Variants in KCNIP4 observed in about 807,000 individuals in gnomAD.
KCNIP4 encodes Kv channel-interacting protein 4.
A neutral mutation model predicts 34.0 loss-of-function variants in KCNIP4; 12 were observed. The ratio of observed to expected loss-of-function variants is 0.35; its 90% CI spans 0.23 to 0.57. KCNIP4 has a LOEUF of 0.57. KCNIP4 is among the 20% of genes least tolerant of loss of function. The pLI, the probability that KCNIP4 is intolerant of heterozygous loss-of-function variation, is 0.83. For synonymous variants in KCNIP4, 124 were observed against 102.2 expected, an observed-to-expected ratio of 1.21 and a Z score of -1.29; for missense variants, 238 against 311.7, an observed-to-expected ratio of 0.76 and a Z score of 1.78.
At chr4:21,538,011 CAAAAAAAAAAAAAAAAAA>C (rs71191517) in intron 1 of KCNIP4, among the ~76,000 whole-genome samples, 1 of 51,268 alleles carries the variant, frequency 2.0e-5, no homozygotes, top group Non-Finnish European at 3.6e-5. Flanking sequence ...GATTCCGTCT[CAAAAAAAAAAAAAAAAAA>C]AAAAAAAAAA....
At chr4:21,447,175 A>T (rs1728099238) in intron 1 of KCNIP4, among the ~76,000 whole-genome samples, 1 of 152,138 alleles carries the variant, frequency 6.6e-6, no homozygotes, top group South Asian at 2.1e-4. Context: ...TTTATCTTTA[A>T]CAGAAAGGTA....
intron 1 of KCNIP4, among the ~76,000 whole-genome samples, chr4:21,049,527 T>A (rs1304045618): frequency 6.6e-6 from 1 of 152,210 alleles, no homozygotes; most frequent in Admixed American, 6.5e-5. Context: ...TTTTAAAAGA[T>A]GCCTATTTTT....
chr4:21,920,873 C>CTTTTTTTTTTTTTTTTTTTT (rs1728899285), intron 1 of KCNIP4, among the ~76,000 whole-genome samples: 4 of 151,742 alleles, frequency 2.6e-5, no homozygotes, highest in African/African-American at 7.3e-5. Flanking sequence ...TGTACATTTT[C>CTTTTTTTTTTTTTTTTTTTT]TTTGTTTGCT....
intron 1 of KCNIP4, among the ~76,000 whole-genome samples, chr4:21,891,999 T>C (rs1727124195): frequency 6.6e-6 from 1 of 152,006 alleles, no homozygotes; most frequent in African/African-American, 2.4e-5. Context: ...TCTGTCAACT[T>C]ACAGTTTAAA....
At chr4:21,358,136 A>T (rs897948183) in intron 1 of KCNIP4, among the ~76,000 whole-genome samples, 5 of 152,106 alleles carry the variant, frequency 3.3e-5, no homozygotes, top group Admixed American at 2.0e-4. Flanking sequence ...ACTTGGACAC[A>T]GGGAAGAGAA....
chr4:21,940,370 T>C (rs1485126106), intron 1 of KCNIP4, among the ~76,000 whole-genome samples: 6 of 152,324 alleles, frequency 3.9e-5, no homozygotes, highest in African/African-American at 1.4e-4. Context: ...ACAGCACTTA[T>C]ACCAACTGGA....
At chr4:21,182,437 CTTCCTTTCCTGTCTTTCTT>C (rs1239004321) in intron 1 of KCNIP4, among the ~76,000 whole-genome samples, 1 of 146,550 alleles carries the variant, frequency 6.8e-6, no homozygotes, top group Non-Finnish European at 1.5e-5. Context: ...TTTCCTTTCC[CTTCCTTTCCTGTCTTTCTT>C]TTCCTTTCCT....
At chr4:21,122,389 T>A (rs1199390892) in intron 1 of KCNIP4, among the ~76,000 whole-genome samples, 1 of 151,962 alleles carries the variant, frequency 6.6e-6, no homozygotes, top group Non-Finnish European at 1.5e-5. Flanking sequence ...TAAATTGTTC[T>A]TGTAGGAATC....
intron 3 of KCNIP4, among the ~76,000 whole-genome samples, chr4:20,803,470 C>CAAAAAAAAAAAAAAAA (rs551176038): frequency 2.3e-5 from 2 of 85,902 alleles, no homozygotes; most frequent in African/African-American, 5.2e-5. Context: ...TCATCTTTAC[C>CAAAAAAAAAAAAAAAA]AAAAAAAAAA....
chr4:21,381,086 C>T (rs1423543800), intron 1 of KCNIP4, among the ~76,000 whole-genome samples: 1 of 152,148 alleles, frequency 6.6e-6, no homozygotes. Context: ...AAGATTCTGG[C>T]AATGGGTTTA....
At chr4:21,679,050 T>A (rs914270498) in intron 1 of KCNIP4, among the ~76,000 whole-genome samples, 1 of 152,230 alleles carries the variant, frequency 6.6e-6, no homozygotes, top group Non-Finnish European at 1.5e-5. Context: ...AAGGTGGCCA[T>A]CTGCAAGCCA....
chr4:21,330,384 TAAAGAACACAGTGG>T (rs1715511468), intron 1 of KCNIP4, among the ~76,000 whole-genome samples: 1 of 152,178 alleles, frequency 6.6e-6, no homozygotes, highest in South Asian at 2.1e-4. Context: ...GCATTGACTG[TAAAGAACACAGTGG>T]AATCAAAGTT....
In KCNIP4 at chr4:20,889,511, G is replaced by A. The variant is rs565753693; in HGVS notation, c.62-6802C>T. On this transcript the variant is annotated intron_variant, in intron 1 of 8. Transcript: ENST00000382152. ...GTACTGACCTAAGATGCAACTGTATGAACTCTACTCTGGAGGGCGGGGAGG... is the reference window on the plus strand; with the variant it reads ...GTACTGACCTAAGATGCAACTGTATAAACTCTACTCTGGAGGGCGGGGAGG... 1.8e-3 allele frequency among the ~76,000 whole-genome samples: 268 copies of A among 152,160 alleles called. 1 individual carries two copies. The highest frequency in any genetic ancestry group is 2.7e-3 in the Non-Finnish European group (186 of 67,962).
At chr4:21,171,633 T>G (rs1387321469) in intron 1 of KCNIP4, among the ~76,000 whole-genome samples, 1 of 152,214 alleles carries the variant, frequency 6.6e-6, no homozygotes, top group Non-Finnish European at 1.5e-5. Flanking sequence ...AACATGGATT[T>G]GGGAACACCT....
intron 1 of KCNIP4, among the ~76,000 whole-genome samples, chr4:21,695,313 G>T (rs1023439507): frequency 5.9e-5 from 9 of 151,988 alleles, no homozygotes; most frequent in Non-Finnish European, 1.0e-4. Flanking sequence ...GAGCCGAAAA[G>T]AATTTTTACA....
At chr4:21,797,840 C>A (rs1159183395) in intron 1 of KCNIP4, among the ~76,000 whole-genome samples, 1 of 152,042 alleles carries the variant, frequency 6.6e-6, no homozygotes, top group Non-Finnish European at 1.5e-5. Context: ...AGGATAGCTG[C>A]CAAATTTACA....
At chr4:21,519,504 A>G (rs1318908270) in intron 1 of KCNIP4, among the ~76,000 whole-genome samples, 8 of 68,808 alleles carry the variant, frequency 1.2e-4, no homozygotes, top group Admixed American at 2.4e-4. Context: ...GTGTATGTGT[A>G]TGTGTATATA....
chr4:21,871,105 G>GT (rs761518398), intron 1 of KCNIP4, among the ~76,000 whole-genome samples: 298 of 144,670 alleles, frequency 2.1e-3, no homozygotes, highest in Non-Finnish European at 2.1e-3. Flanking sequence ...CAAGAGCCCA[G>GT]TTTTTTTTTT....
At chr4:21,427,060 T>A (rs1725992553) in intron 1 of KCNIP4, among the ~76,000 whole-genome samples, 2 of 152,146 alleles carry the variant, frequency 1.3e-5, no homozygotes, top group Non-Finnish European at 2.9e-5. Flanking sequence ...AGGGTTTACC[T>A]AATTTGGGTT....
Sources: allele counts gnomAD v4.1 joint callset (sites outside exome capture counted in the v4.1 genomes callset), GRCh38; gene constraint gnomAD v4.1.1; transcripts MANE v1.5; gene names NCBI Gene and HGNC (gene_info 2026-07-23, HGNC 2026-07-21).